The following PCDHA10 variants were observed in gnomAD, a reference collection of about 807,000 sequenced individuals.
PCDHA10 encodes protocadherin alpha-10.
PCDHA10 carries 45 observed loss-of-function variants against 61.2 expected under a neutral mutation model. The observed-to-expected ratio is 0.74, with a 90% CI of 0.58 to 0.94. The LOEUF is 0.94. Ranked by LOEUF, PCDHA10 falls within the 40% of genes least tolerant of loss-of-function variation. The pLI, the probability that PCDHA10 is intolerant of heterozygous loss-of-function variation, is 0.00. For synonymous variants in PCDHA10, 602 were observed against 548.8 expected (o/e 1.10, Z -1.35); for missense variants, 1,278 against 1,236.2 (o/e 1.03, Z -0.51).
chr5:140,931,585 A>G (rs1170746678), intron 1 of PCDHA10, among the ~76,000 whole-genome samples: 2 of 152,056 alleles, frequency 1.3e-5, no homozygotes, highest in Non-Finnish European at 2.9e-5. Context: ...ATTCAGTTGA[A>G]CAGTCTTTTT....
chr5:140,994,189 G>T (rs992894961), intron 3 of PCDHA10, among the ~76,000 whole-genome samples: 2 of 152,176 alleles, frequency 1.3e-5, no homozygotes, highest in Admixed American at 6.5e-5. Context: ...AACCACCAGG[G>T]CCTGTTGGTC....
At chr5:140,974,804 A>G (rs2096641388) in intron 1 of PCDHA10, among the ~76,000 whole-genome samples, 1 of 152,204 alleles carries the variant, frequency 6.6e-6, no homozygotes, top group Non-Finnish European at 1.5e-5. Context: ...TTGATATACT[A>G]GAAGACCAAT....
In PCDHA10 at chr5:140,979,814, T is replaced by C. The variant is rs1296773498; in HGVS notation, c.2447+807T>C. 3.3e-5 allele frequency among the ~76,000 whole-genome samples: 5 copies of C among 152,232 alleles called. No homozygotes were observed. The South Asian group carries it at 8.3e-4, about 25-fold the overall frequency. On this transcript the variant is annotated intron_variant, in intron 2 of 3. Transcript: ENST00000307360. The stretch of plus-strand genomic sequence containing the variant: ...CAAATGATCACAACTATCAAAAGGA[T>C]TTAATTTTAAAGAAGAAATAATCTT...
intron 1 of PCDHA10, among the ~76,000 whole-genome samples, chr5:140,954,531 G>A (rs564993313): frequency 4.6e-5 from 7 of 152,218 alleles, no homozygotes; most frequent in African/African-American, 1.4e-4. Context: ...GTGATGTTGA[G>A]GTTTTTTTCA....
chr5:141,008,679 T>C (rs950831628), intron 3 of PCDHA10, among the ~76,000 whole-genome samples: 4 of 152,238 alleles, frequency 2.6e-5, no homozygotes, highest in South Asian at 4.1e-4. Context: ...TATACTTTAG[T>C]TATTGCATGT....
In PCDHA10 at chr5:141,010,093, T is replaced by A. The variant is rs2098416026; in HGVS notation, c.*156T>A. On this transcript the variant is annotated 3_prime_UTR_variant, in exon 4 of 4. Transcript: ENST00000307360. The stretch of plus-strand genomic sequence containing the variant: ...TTCCCTGTGTCTGTCTAGAACGCAT[T>A]TAACAGGTTTTGTCGTAAAAGCTTT... 4 of 1,612,692 alleles carry A rather than the reference T, an allele frequency of 2.5e-6. No homozygotes were observed. Among genetic ancestry groups the A allele is most frequent in the Non-Finnish European group, 3.4e-6 (4 of 1,179,392 alleles).
At chr5:140,878,897 A>G (rs1366976155) in intron 1 of PCDHA10, among the ~76,000 whole-genome samples, 1 of 152,232 alleles carries the variant, frequency 6.6e-6, no homozygotes, top group Non-Finnish European at 1.5e-5. Context: ...GACTACAGGC[A>G]GGCTCCACCA....
In PCDHA10 at chr5:140,910,096, C is replaced by G. The variant is rs1583731198; in HGVS notation, c.2388+51660C>G. On this transcript the variant is annotated intron_variant, in intron 1 of 3. Coordinates refer to ENST00000307360, the MANE Select transcript of PCDHA10 (RefSeq NM_018901.4). ...ATTGTTGTCAAGGGGAACCAGCCTCCCCTTCATTTAAGGGATTCTAGGTCT... is the reference window on the plus strand; with the variant it reads ...ATTGTTGTCAAGGGGAACCAGCCTCGCCTTCATTTAAGGGATTCTAGGTCT... Among the ~76,000 whole-genome samples the G allele has an allele frequency of 2.6e-5, 4 of 152,262 alleles. No individual in the cohort carries two copies. The East Asian group carries it at 7.7e-4, about 29-fold the overall frequency.
intron 1 of PCDHA10, among the ~76,000 whole-genome samples, chr5:140,950,672 C>A (rs76583571): frequency 0.016 from 2,473 of 152,120 alleles, 63 homozygotes; most frequent in African/African-American, 0.055. Context: ...CAAACATGTA[C>A]ATGTATATTG....
At chr5:140,997,636 A>G (rs2097777002) in intron 3 of PCDHA10, among the ~76,000 whole-genome samples, 2 of 151,964 alleles carry the variant, frequency 1.3e-5, no homozygotes, top group African/African-American at 4.8e-5. Flanking sequence ...AAAAAGCAAA[A>G]TGGGATAATG....
intron 3 of PCDHA10, among the ~76,000 whole-genome samples, chr5:140,994,140 A>G (rs768317904): frequency 7.2e-5 from 11 of 152,230 alleles, no homozygotes; most frequent in Non-Finnish European, 1.5e-4. Context: ...ATAATGCCCT[A>G]CGTAGGTAGG....
intron 1 of PCDHA10, among the ~76,000 whole-genome samples, chr5:140,957,165 A>C (rs2095338056): frequency 6.6e-6 from 1 of 152,190 alleles, no homozygotes; most frequent in African/African-American, 2.4e-5. Context: ...AAATCTAAGT[A>C]TATAAATTGG....
chr5:140,916,220 A>G (rs886998484), intron 1 of PCDHA10, among the ~76,000 whole-genome samples: 11 of 152,084 alleles, frequency 7.2e-5, no homozygotes, highest in African/African-American at 2.7e-4. Context: ...AGATCCAAAT[A>G]TGCTTTCCAG....
chr5:140,963,850 A>T (rs2095793640), intron 1 of PCDHA10, among the ~76,000 whole-genome samples: 1 of 152,244 alleles, frequency 6.6e-6, no homozygotes. Flanking sequence ...TAATCATAAT[A>T]ATAACCGTAT....
intron 1 of PCDHA10, among the ~76,000 whole-genome samples, chr5:140,889,628 TTTTC>T (rs2062304515): frequency 6.6e-6 from 1 of 152,186 alleles, no homozygotes; most frequent in African/African-American, 2.4e-5. Flanking sequence ...ATTTCTCTTC[TTTTC>T]ATTTGTGTTT....
At chr5:140,944,823 C>T (rs1246814273) in intron 1 of PCDHA10, among the ~76,000 whole-genome samples, 1 of 152,148 alleles carries the variant, frequency 6.6e-6, no homozygotes, top group Non-Finnish European at 1.5e-5. Context: ...ATCTTTGCCC[C>T]ATAATTGTAA....
intron 1 of PCDHA10, among the ~76,000 whole-genome samples, chr5:140,906,668 C>G (rs1554192641): frequency 1.3e-5 from 2 of 152,152 alleles, no homozygotes; most frequent in African/African-American, 4.8e-5. Flanking sequence ...TGTAGTGACC[C>G]AAACCTTCAT....
Position 140,870,321 on chromosome 5 carries a change from G to C in PCDHA10, c.2388+11885G>C, listed in dbSNP as rs1554164064. The C allele has an allele frequency of 1.9e-6, 3 of 1,614,222 alleles. No individual in the cohort carries two copies. In the Admixed American group the frequency reaches 5.0e-5, roughly 27 times the overall value. On this transcript the variant is annotated intron_variant, in intron 1 of 3. Transcript: ENST00000307360. Reference sequence around the variant, plus strand: ...CCACCTTCAAGAATTACTACTCGTTGGTGCTGGACAGCGCCCTGGACCGCG... The same window carrying C: ...CCACCTTCAAGAATTACTACTCGTTCGTGCTGGACAGCGCCCTGGACCGCG...
chr5:140,882,178 C>A (rs2058992068), intron 1 of PCDHA10: 1 of 1,517,822 alleles, frequency 6.6e-7, no homozygotes, highest in Non-Finnish European at 8.8e-7. Flanking sequence ...TCCTTCCGCA[C>A]TAGGAAGCCA....
Sources: gnomAD v4.1 joint callset for allele counts (sites outside exome capture counted in the v4.1 genomes callset) on GRCh38, gnomAD v4.1.1 for gene constraint, MANE v1.5 for transcripts, NCBI Gene and HGNC (gene_info 2026-07-23, HGNC 2026-07-21) for gene names.